SCARA5: variants seen among roughly 807,000 people sequenced by gnomAD.
The protein encoded by SCARA5 is scavenger receptor class A member 5.
SCARA5 carries 45 observed loss-of-function variants against 46.3 expected under a neutral mutation model. The ratio of observed to expected loss-of-function variants is 0.97; its 90% CI spans 0.76 to 1.24. The LOEUF (loss-of-function observed/expected upper bound fraction) is 1.24. Ranked by LOEUF, SCARA5 falls within the 50% of genes most tolerant of loss-of-function variation. SCARA5 has a pLI of 0.00. For synonymous variants in SCARA5, 333 were observed against 306.5 expected, an observed-to-expected ratio of 1.09 and a Z score of -0.90; for missense variants, 680 against 689.0, an observed-to-expected ratio of 0.99 and a Z score of 0.15.
intron 4 of SCARA5, among the ~76,000 whole-genome samples, chr8:27,921,147 T>C (rs1807577188): frequency 6.6e-6 from 1 of 152,202 alleles, no homozygotes; most frequent in Non-Finnish European, 1.5e-5. Context: ...ACTCCAGATC[T>C]CCACCCTGGG....
In SCARA5 at chr8:27,873,993, C is replaced by T. The variant is rs111587576; in HGVS notation, c.1352-1923G>A. On this transcript the variant is annotated intron_variant, in intron 8 of 8. Transcript: ENST00000354914. ...TGAACCCGTGAGGCGGAGGTTACAG[C>T]GAGCCGAGATCATGCCAGCTTGGGT... 8.9e-3 allele frequency among the ~76,000 whole-genome samples: 1,351 copies of T among 152,226 alleles called. 22 individuals are homozygous for T. The highest frequency in any genetic ancestry group is 0.031 in the African/African-American group (1,270 of 41,530).
intron 2 of SCARA5, among the ~76,000 whole-genome samples, chr8:27,981,884 G>A (rs1371125715): frequency 2.6e-5 from 4 of 152,194 alleles, no homozygotes; most frequent in Non-Finnish European, 5.9e-5. Context: ...ACCTGTAAAC[G>A]GCGGTGACTC....
In SCARA5 at chr8:27,871,823, C is replaced by T; in HGVS notation, c.*111G>A. On this transcript the variant is annotated 3_prime_UTR_variant, in exon 9 of 9. Coordinates refer to ENST00000354914, the MANE Select transcript of SCARA5 (RefSeq NM_173833.6). The stretch of plus-strand genomic sequence containing the variant: ...GATGCAGGTGTGAGGACTGAGAATG[C>T]TGGACGGGGTGTGGTCGAGGCATGG... The T allele has an allele frequency of 2.6e-6, 4 of 1,564,716 alleles. No individual in the cohort carries two copies. The highest frequency in any genetic ancestry group is 3.5e-6 in the Non-Finnish European group (4 of 1,156,290).
chr8:27,921,034 A>G (rs1397986990), intron 4 of SCARA5, among the ~76,000 whole-genome samples: 1 of 152,216 alleles, frequency 6.6e-6, no homozygotes, highest in Non-Finnish European at 1.5e-5. Flanking sequence ...AAAAACAGTT[A>G]CAAATGAAAC....
chr8:27,945,336 C>T (rs1309136920), intron 3 of SCARA5, among the ~76,000 whole-genome samples: 2 of 152,180 alleles, frequency 1.3e-5, no homozygotes, highest in African/African-American at 4.8e-5. Context: ...TCCTGCCAAA[C>T]TCAAACCCTC....
intron 3 of SCARA5, among the ~76,000 whole-genome samples, chr8:27,927,907 G>C (rs1261710009): frequency 6.6e-6 from 1 of 152,124 alleles, no homozygotes; most frequent in African/African-American, 2.4e-5. Flanking sequence ...GATATAAAAT[G>C]GTAACATTAT....
intron 3 of SCARA5, among the ~76,000 whole-genome samples, chr8:27,929,792 T>C (rs4732792): frequency 0.58 from 88,599 of 152,010 alleles, 26,816 homozygotes; most frequent in Middle Eastern, 0.73. Flanking sequence ...TAGTCTCTTA[T>C]TAGAAGTTGC....
At chr8:27,989,495 C>G (rs1808755774) in intron 1 of SCARA5, among the ~76,000 whole-genome samples, 3 of 152,158 alleles carry the variant, frequency 2.0e-5, no homozygotes, top group Admixed American at 2.0e-4. Context: ...GAGAAGAGAC[C>G]AGAACTGACC....
chr8:27,983,323 G>A (rs939751589), intron 2 of SCARA5, among the ~76,000 whole-genome samples: 1 of 152,172 alleles, frequency 6.6e-6, no homozygotes, highest in African/African-American at 2.4e-5. Context: ...TTGCTGGCTG[G>A]GTGAGTGTCT....
intron 3 of SCARA5, among the ~76,000 whole-genome samples, chr8:27,939,872 A>C (rs1807914874): frequency 6.6e-6 from 1 of 152,140 alleles, no homozygotes; most frequent in Non-Finnish European, 1.5e-5. Context: ...CCAGAATTGG[A>C]GCCCCAGACT....
intron 7 of SCARA5, among the ~76,000 whole-genome samples, chr8:27,883,111 T>C (rs1407350417): frequency 2.0e-5 from 3 of 152,228 alleles, no homozygotes; most frequent in Admixed American, 2.0e-4. Context: ...CACATTGATC[T>C]CTAAACTCAG....
In SCARA5 at chr8:27,922,231, T is replaced by TC. The variant is rs755482710; in HGVS notation, c.255_256insG (p.Ser86GlufsTer4). 7.7e-6 allele frequency: 12 copies of TC among 1,567,264 alleles called. No individual in the cohort carries two copies. In the Middle Eastern group the frequency reaches 5.1e-4, roughly 67 times the overall value. On this transcript the variant is annotated frameshift_variant, in exon 4 of 9. Coordinates refer to ENST00000354914, the MANE Select transcript of SCARA5 (RefSeq NM_173833.6). LOFTEE classifies it high-confidence loss of function. ...AGGGCCTTCAGGTCGTCAGGGGAGC[T>TC]GCGCGGCCTGGACACTGCGGAGGAG...
chr8:27,915,219 A>T (rs1295972708), intron 4 of SCARA5, among the ~76,000 whole-genome samples: 1 of 151,960 alleles, frequency 6.6e-6, no homozygotes, highest in East Asian at 1.9e-4. Context: ...TCTCTCTGTG[A>T]CCCTGAGAAG....
chr8:27,947,123 T>C (rs945907830), intron 3 of SCARA5, among the ~76,000 whole-genome samples: 9 of 151,952 alleles, frequency 5.9e-5, no homozygotes, highest in South Asian at 2.1e-4. Flanking sequence ...GTGATTCTCC[T>C]ACTTCAGTCT....
chr8:27,990,763 CTG>C (rs1196840601), intron 1 of SCARA5, among the ~76,000 whole-genome samples: 2 of 152,294 alleles, frequency 1.3e-5, no homozygotes, highest in South Asian at 2.1e-4. Context: ...AGGCAGGGCT[CTG>C]AGAGCTTGAA....
At chr8:27,902,000 C>G (rs1807162670) in intron 7 of SCARA5, among the ~76,000 whole-genome samples, 1 of 152,174 alleles carries the variant, frequency 6.6e-6, no homozygotes, top group South Asian at 2.1e-4. Context: ...TCCTCTGGGT[C>G]TCCCAGAGTC....
chr8:27,921,968 G>T lies in SCARA5; in HGVS notation c.519C>A (p.Arg173=). 6.5e-7 allele frequency: 1 copy of T among 1,544,116 alleles called. No homozygotes were observed. Among genetic ancestry groups the T allele is most frequent in the East Asian group, 2.4e-5 (1 of 42,062 alleles). The change falls in exon 4 of 9, where the codon CGC becomes CGA. Residue 173 remains arginine, a synonymous_variant. Coordinates refer to ENST00000354914, the MANE Select transcript of SCARA5 (RefSeq NM_173833.6). ...TEQAVALLRD[R]TGQQSDTAQL... ...GCGCCGTGTCGCTCTGCTGGCCCGT[G>T]CGGTCCCGCAGCAGGGCCACCGCCT...
chr8:27,928,699 T>C (rs1377153081), intron 3 of SCARA5, among the ~76,000 whole-genome samples: 1 of 152,146 alleles, frequency 6.6e-6, no homozygotes, highest in Non-Finnish European at 1.5e-5. Flanking sequence ...AGAGTTTTGC[T>C]TTGTTGCTCA....
At chr8:27,968,626 A>G (rs1808404170) in intron 2 of SCARA5, among the ~76,000 whole-genome samples, 1 of 152,190 alleles carries the variant, frequency 6.6e-6, no homozygotes, top group Non-Finnish European at 1.5e-5. Flanking sequence ...AGCATTGAAT[A>G]ATATTATACA....
Sources: gnomAD v4.1 joint callset for allele counts (sites outside exome capture counted in the v4.1 genomes callset) on GRCh38, gnomAD v4.1.1 for gene constraint, MANE v1.5 for transcripts, NCBI Gene and HGNC (gene_info 2026-07-23, HGNC 2026-07-21) for gene names.